PGCKA1: variants seen among roughly 807,000 people sequenced by gnomAD.
PGCKA1 encodes PDCD10 and GCKIII kinases associated 1.
the PGCKA1 span, among the ~76,000 whole-genome samples, chr4:37,519,022 G>A: frequency 6.6e-6 from 1 of 152,140 alleles, no homozygotes; most frequent in African/African-American, 2.4e-5. Flanking sequence ...TTATTGAAGG[G>A]ACTGTCTTTT....
chr4:37,481,430 A>G, the PGCKA1 span, among the ~76,000 whole-genome samples: 4 of 103,838 alleles, frequency 3.9e-5, no homozygotes, highest in Non-Finnish European at 8.6e-5. Context: ...GCACCACTGC[A>G]CTCCAGCCTA....
the PGCKA1 span, among the ~76,000 whole-genome samples, chr4:37,511,638 T>G: frequency 5.3e-5 from 8 of 152,232 alleles, no homozygotes; most frequent in East Asian, 1.5e-3. Flanking sequence ...GGGTCTCTTT[T>G]GAAGATGCAA....
the PGCKA1 span, among the ~76,000 whole-genome samples, chr4:37,556,657 C>A: frequency 1.3e-5 from 2 of 152,160 alleles, no homozygotes; most frequent in Admixed American, 1.3e-4. Flanking sequence ...GTTACACTCT[C>A]TTCCCTACCT....
chr4:37,454,813 A>C, the PGCKA1 span, among the ~76,000 whole-genome samples: 2 of 152,196 alleles, frequency 1.3e-5, no homozygotes, highest in African/African-American at 4.8e-5. Context: ...TTACCCCAGC[A>C]TGGCAATTGA....
the PGCKA1 span, among the ~76,000 whole-genome samples, chr4:37,556,259 G>T: frequency 5.0e-4 from 55 of 110,422 alleles, no homozygotes; most frequent in African/African-American, 2.0e-3. Context: ...TCTTTTTTTT[G>T]TTTTGTTTTG....
At chr4:37,561,737 C>T in the PGCKA1 span, among the ~76,000 whole-genome samples, 69,330 of 152,066 alleles carry the variant, frequency 0.46, 16,623 homozygotes, top group South Asian at 0.54. Flanking sequence ...CACAATTGCT[C>T]TCAGGGGAAA....
the PGCKA1 span, among the ~76,000 whole-genome samples, chr4:37,512,723 G>A: frequency 1.1e-4 from 17 of 151,788 alleles, no homozygotes; most frequent in Non-Finnish European, 2.2e-4. Flanking sequence ...CTAAGTGCTG[G>A]GATTACAGAC....
At chr4:37,474,143 A>G in the PGCKA1 span, among the ~76,000 whole-genome samples, 23 of 152,280 alleles carry the variant, frequency 1.5e-4, no homozygotes, top group Non-Finnish European at 1.5e-5. Flanking sequence ...TAAAGAGGTG[A>G]TTAGGTCACA....
At chr4:37,464,664 C>A in the PGCKA1 span, among the ~76,000 whole-genome samples, 2 of 152,202 alleles carry the variant, frequency 1.3e-5, no homozygotes, top group African/African-American at 4.8e-5. Context: ...AAAAGCCACA[C>A]GAAATAGCAG....
chr4:37,531,439 T>C, the PGCKA1 span, among the ~76,000 whole-genome samples: 1 of 152,126 alleles, frequency 6.6e-6, no homozygotes, highest in African/African-American at 2.4e-5. Context: ...GAGAGAAAAT[T>C]GTCTGGGAAA....
the PGCKA1 span, among the ~76,000 whole-genome samples, chr4:37,468,478 C>T: frequency 6.6e-6 from 1 of 152,188 alleles, no homozygotes; most frequent in Non-Finnish European, 1.5e-5. Context: ...TAGGATCTCA[C>T]CTCTGGTGCC....
At chr4:37,547,916 G>A in the PGCKA1 span, among the ~76,000 whole-genome samples, 971 of 149,286 alleles carry the variant, frequency 6.5e-3, 13 homozygotes, top group African/African-American at 0.023. Flanking sequence ...ATGTATTATG[G>A]TAACTTCTAA....
chr4:37,590,198 A>C, the PGCKA1 span: 12 of 1,614,092 alleles, frequency 7.4e-6, no homozygotes, highest in South Asian at 3.3e-5. Flanking sequence ...TGGAGCAGTG[A>C]AGTCTTGGTG....
chr4:37,530,752 G>A, the PGCKA1 span, among the ~76,000 whole-genome samples: 19 of 152,060 alleles, frequency 1.2e-4, no homozygotes, highest in Admixed American at 3.3e-4. Context: ...CTAAGCGGGC[G>A]GTTCACTTGA....
the PGCKA1 span, among the ~76,000 whole-genome samples, chr4:37,589,878 C>T: frequency 3.3e-5 from 5 of 152,220 alleles, no homozygotes; most frequent in African/African-American, 4.8e-5. Context: ...GTGATCCACC[C>T]GCCTTGGCCA....
the PGCKA1 span, among the ~76,000 whole-genome samples, chr4:37,492,122 A>G: frequency 6.6e-6 from 1 of 151,390 alleles, no homozygotes; most frequent in Non-Finnish European, 1.5e-5. The surrounding 1 kb of genome is among the most constrained non-coding windows in gnomAD (Gnocchi z 4.7). Flanking sequence ...GTTCACTGCA[A>G]CCTCCGCCTC....
At chr4:37,461,795 C>A in the PGCKA1 span, among the ~76,000 whole-genome samples, 49,819 of 151,816 alleles carry the variant, frequency 0.33, 8,500 homozygotes, top group African/African-American at 0.37. Context: ...CTTTGCTGTC[C>A]TTTAGCTGTC....
chr4:37,565,074 T>C, the PGCKA1 span, among the ~76,000 whole-genome samples: 1 of 152,172 alleles, frequency 6.6e-6, no homozygotes, highest in Non-Finnish European at 1.5e-5. Flanking sequence ...GTCCAGAGAA[T>C]AGGGACATAG....
At chr4:37,573,563 A>T in the PGCKA1 span, among the ~76,000 whole-genome samples, 1 of 152,264 alleles carries the variant, frequency 6.6e-6, no homozygotes, top group African/African-American at 2.4e-5. Flanking sequence ...TGATTATATT[A>T]TACAAGTCAT....
Sources: allele counts gnomAD v4.1 joint callset (sites outside exome capture counted in the v4.1 genomes callset), GRCh38; gene constraint gnomAD v4.1.1; non-coding constraint Gnocchi (gnomAD v3.1); transcripts MANE v1.5; gene names NCBI Gene and HGNC (gene_info 2026-07-23, HGNC 2026-07-21).